The following GPC5 variants were observed in gnomAD, a reference collection of about 807,000 sequenced individuals.
GPC5 encodes the protein glypican 5, also known as glypican-5.
In GPC5, 47 loss-of-function variants were observed where a neutral mutation model predicts 53.9. The ratio of observed to expected loss-of-function variants is 0.87; its 90% confidence interval spans 0.69 to 1.11. The LOEUF is 1.11. Among genes scored for constraint, GPC5 ranks in the 50% most tolerant of loss-of-function variants. GPC5 has a pLI of 0.00. For missense variants in GPC5, 748 were observed against 713.1 expected (o/e 1.05, Z -0.56); for synonymous variants, 286 against 263.3 (o/e 1.09, Z -0.84).
chr13:91,972,648 T>G (rs1490549981), intron 6 of GPC5, among the ~76,000 whole-genome samples: 1 of 152,208 alleles, frequency 6.6e-6, no homozygotes. Context: ...AGGAGCTCTT[T>G]TAGGGCAGGC....
At chr13:91,867,024 T>C (rs2039092473) in intron 5 of GPC5, among the ~76,000 whole-genome samples, 1 of 152,170 alleles carries the variant, frequency 6.6e-6, no homozygotes, top group African/African-American at 2.4e-5. Context: ...GAGACCAGCC[T>C]GACCAACATG....
chr13:91,909,598 T>C (rs893766283), intron 6 of GPC5, among the ~76,000 whole-genome samples: 2 of 152,142 alleles, frequency 1.3e-5, no homozygotes, highest in African/African-American at 4.8e-5. Flanking sequence ...TACATAAATA[T>C]ACATATTAAC....
chr13:92,128,972 ATAAAAG>A (rs2041722112), intron 6 of GPC5, among the ~76,000 whole-genome samples: 1 of 152,212 alleles, frequency 6.6e-6, no homozygotes, highest in East Asian at 1.9e-4. Context: ...CAAAATAAAA[ATAAAAG>A]TAAAATAAAA....
intron 1 of GPC5, among the ~76,000 whole-genome samples, chr13:91,433,430 T>C (rs1443817437): frequency 6.8e-6 from 1 of 147,474 alleles, no homozygotes; most frequent in Admixed American, 6.8e-5. Context: ...AATTCCCACC[T>C]ATGAGTGAGA....
intron 7 of GPC5, among the ~76,000 whole-genome samples, chr13:92,631,966 T>G (rs940994211): frequency 3.9e-5 from 6 of 152,156 alleles, no homozygotes; most frequent in African/African-American, 1.4e-4. Context: ...AAAATAATCC[T>G]CAATCTGAAA....
chr13:91,525,924 G>T (rs1406252463), intron 2 of GPC5, among the ~76,000 whole-genome samples: 1 of 152,142 alleles, frequency 6.6e-6, no homozygotes, highest in African/African-American at 2.4e-5. Flanking sequence ...GTGGAACACT[G>T]AACATTTGTC....
chr13:92,460,089 C>T (rs988011805), intron 7 of GPC5, among the ~76,000 whole-genome samples: 3 of 151,968 alleles, frequency 2.0e-5, no homozygotes, highest in African/African-American at 7.3e-5. Flanking sequence ...AATTCAAGTA[C>T]AAACAATCTT....
intron 7 of GPC5, among the ~76,000 whole-genome samples, chr13:92,824,725 T>TCA (rs1555315937): frequency 1.1e-4 from 1 of 8,722 alleles, no homozygotes; most frequent in East Asian, 2.5e-3. Context: ...AAATGCCTTT[T>TCA]GAAAAAAAAA....
At chr13:91,446,469 G>A (rs966899455) in intron 1 of GPC5, among the ~76,000 whole-genome samples, 15 of 152,130 alleles carry the variant, frequency 9.9e-5, no homozygotes, top group African/African-American at 3.6e-4. Flanking sequence ...CCTGGGTTGT[G>A]TACTCTTGCT....
At chr13:91,874,967 C>T (rs751580662) in intron 5 of GPC5, among the ~76,000 whole-genome samples, 3 of 152,128 alleles carry the variant, frequency 2.0e-5, no homozygotes, top group African/African-American at 7.2e-5. Flanking sequence ...ATTTCTGGAG[C>T]TGGAGATCTC....
intron 5 of GPC5, among the ~76,000 whole-genome samples, chr13:91,889,263 G>A (rs1009527571): frequency 6.6e-6 from 1 of 152,024 alleles, no homozygotes; most frequent in African/African-American, 2.4e-5. Context: ...GACAGGCTGG[G>A]GAGAGGTAAC....
At chr13:92,352,678 C>G (rs956654263) in intron 7 of GPC5, among the ~76,000 whole-genome samples, 2 of 152,052 alleles carry the variant, frequency 1.3e-5, no homozygotes, top group Admixed American at 6.5e-5. Context: ...ATTGTATCAC[C>G]AAGAATATTA....
chr13:91,432,435 A>G (rs975483349), intron 1 of GPC5, among the ~76,000 whole-genome samples: 2 of 152,194 alleles, frequency 1.3e-5, no homozygotes, highest in Non-Finnish European at 2.9e-5. Flanking sequence ...TTAAAACTTA[A>G]GTATGTGGTT....
chr13:91,662,569 A>G (rs982716539), intron 2 of GPC5, among the ~76,000 whole-genome samples: 1 of 152,266 alleles, frequency 6.6e-6, no homozygotes, highest in African/African-American at 2.4e-5. Context: ...TAAGTAATAA[A>G]TCTCTTAACT....
chr13:92,281,008 C>T (rs552057683), intron 7 of GPC5, among the ~76,000 whole-genome samples: 12 of 152,274 alleles, frequency 7.9e-5, no homozygotes, highest in African/African-American at 2.2e-4. Flanking sequence ...TCAAGGGAGG[C>T]GGTGACAGAC....
At chr13:91,907,892 C>A in intron 5 of GPC5, 45 bp from the exon 6 acceptor site, 2 of 1,582,628 alleles carry the variant, frequency 1.3e-6, no homozygotes, top group Non-Finnish European at 1.7e-6. Flanking sequence ...ACAGATAATA[C>A]CCTGATCAGG....
At chr13:91,916,944 G>A (rs1259030924) in intron 6 of GPC5, among the ~76,000 whole-genome samples, 1 of 152,154 alleles carries the variant, frequency 6.6e-6, no homozygotes, top group East Asian at 1.9e-4. Flanking sequence ...TGGAGACACA[G>A]CCAAACCATA....
At chr13:92,307,229 T>G (rs2043116830) in intron 7 of GPC5, among the ~76,000 whole-genome samples, 1 of 152,206 alleles carries the variant, frequency 6.6e-6, no homozygotes, top group South Asian at 2.1e-4. Context: ...GAAATATATT[T>G]TTCAGTTTAA....
rs1236071797 is a variant in GPC5 at position 91,719,777 on chromosome 13, T to C, written c.1021-8755T>C. On this transcript the variant is annotated intron_variant, in intron 3 of 7. Transcript: ENST00000377067. ...ATATATTCTACTCCTTTATTTCTAA[T>C]TCCAAAATCACTTTATCTTATGGAA... Among the ~76,000 whole-genome samples the C allele has an allele frequency of 5.3e-5, 8 of 152,332 alleles. No individual in the cohort carries two copies. The South Asian group carries it at 1.7e-3, about 32-fold the overall frequency.
Sources: allele counts gnomAD v4.1 joint callset (sites outside exome capture counted in the v4.1 genomes callset), GRCh38; gene constraint gnomAD v4.1.1; transcripts MANE v1.5; gene names NCBI Gene and HGNC (gene_info 2026-07-23, HGNC 2026-07-21).